MYL4: variants seen among roughly 807,000 people sequenced by gnomAD.
MYL4 encodes atrial myosin light chain 1.
A neutral mutation model predicts 21.6 loss-of-function variants in MYL4; 16 were observed. The observed-to-expected ratio is 0.74, with a 90% CI of 0.50 to 1.12. The LOEUF is 1.12. MYL4 is among the 50% of genes most tolerant of loss of function. The pLI, the probability that MYL4 is intolerant of heterozygous loss-of-function variation, is 0.00. For missense variants in MYL4, 249 were observed against 252.9 expected (o/e 0.98, Z 0.11); for synonymous variants, 82 against 95.7 (o/e 0.86, Z 0.83).
chr17:47,209,535 C>T lies in MYL4; in HGVS notation c.113C>T (p.Ala38Val), dbSNP rs780020430. The change falls in exon 1 of 7, where the codon GCC becomes GTC. Residue 38 changes from alanine to valine, a missense_variant. Coordinates refer to ENST00000393450, the MANE Select transcript of MYL4 (RefSeq NM_002476.2). ...GCTCCTGAGGCTCCCAAGGAACCTGCCTTTGACCCCAAGAGTGTAAAGGTA... is the reference window on the plus strand; with the variant it reads ...GCTCCTGAGGCTCCCAAGGAACCTGTCTTTGACCCCAAGAGTGTAAAGGTA... ...APAPEAPKEP[A>V]FDPKSVKIDF... The T allele has an allele frequency of 7.4e-6, 12 of 1,614,210 alleles. No individual in the cohort carries two copies. The highest frequency in any genetic ancestry group is 5.5e-5 in the South Asian group (5 of 91,078).
At chr17:47,195,885 A>G (rs979931313), upstream of MYL4, among the ~76,000 whole-genome samples, 1 of 152,184 alleles carries the variant, frequency 6.6e-6, no homozygotes, top group African/African-American at 2.4e-5. Context: ...GGTCTAGTCT[A>G]TAAGCTCCAT....
chr17:47,227,101 C>G (rs1261745518), downstream of MYL4, among the ~76,000 whole-genome samples: 1 of 152,226 alleles, frequency 6.6e-6, no homozygotes, highest in Non-Finnish European at 1.5e-5. Context: ...GGTGATCCAC[C>G]TGCCTTGGCC....
chr17:47,203,271 A>T (rs1434247158), intron 1 of MYL4, among the ~76,000 whole-genome samples: 1 of 152,120 alleles, frequency 6.6e-6, no homozygotes, highest in East Asian at 1.9e-4. Context: ...CCCTTTTTTT[A>T]AATTGTCAAT....
downstream of MYL4, among the ~76,000 whole-genome samples, chr17:47,223,845 G>A (rs1160181327): frequency 6.6e-6 from 1 of 152,192 alleles, no homozygotes; most frequent in Non-Finnish European, 1.5e-5. Flanking sequence ...AAAAGCCTGT[G>A]GATCTAGAGA....
At chr17:47,199,929 C>T (rs1342769343), upstream of MYL4, among the ~76,000 whole-genome samples, 1 of 150,610 alleles carries the variant, frequency 6.6e-6, no homozygotes, top group African/African-American at 2.4e-5. Context: ...TTTGTAGAGA[C>T]AGGGTTTCGC....
upstream of MYL4, among the ~76,000 whole-genome samples, chr17:47,196,439 C>T (rs905531728): frequency 6.6e-6 from 1 of 152,104 alleles, no homozygotes; most frequent in Non-Finnish European, 1.5e-5. Context: ...ATTGATTATT[C>T]TGTTTATGTC....
chr17:47,214,594 T>A lies in MYL4; in HGVS notation c.163+768T>A, dbSNP rs1361855449. Among the ~76,000 whole-genome samples the A allele has an allele frequency of 2.6e-5, 4 of 152,246 alleles. No homozygotes were observed. The East Asian group carries it at 7.7e-4, about 29-fold the overall frequency. ...AACTTAAATGAATATTTGCACATGG[T>A]AAAACAAAAAAGCAAAAAAGCACAC... is the stretch of plus-strand genomic sequence containing the variant. On this transcript the variant is annotated intron_variant, in intron 2 of 6. Coordinates refer to ENST00000393450, the MANE Select transcript of MYL4 (RefSeq NM_002476.2).
intron 1 of MYL4, among the ~76,000 whole-genome samples, chr17:47,212,748 G>A (rs2064785493): frequency 6.6e-6 from 1 of 152,094 alleles, no homozygotes; most frequent in Admixed American, 6.5e-5. Context: ...TTATCAAGCT[G>A]GCTGAAACTG....
At chr17:47,218,284 T>C (rs2064829900) in intron 2 of MYL4, among the ~76,000 whole-genome samples, 1 of 152,208 alleles carries the variant, frequency 6.6e-6, no homozygotes, top group East Asian at 1.9e-4. Context: ...GTGGAATGAT[T>C]TGTAAATAAT....
chr17:47,213,501 T>C (rs991341239), intron 1 of MYL4, among the ~76,000 whole-genome samples: 2 of 152,086 alleles, frequency 1.3e-5, no homozygotes, highest in African/African-American at 4.8e-5. Context: ...TTGTTATGTA[T>C]TTTTTGTATT....
downstream of MYL4, among the ~76,000 whole-genome samples, chr17:47,224,275 C>T (rs1030399929): frequency 7.9e-5 from 12 of 152,140 alleles, no homozygotes; most frequent in African/African-American, 2.9e-4. Context: ...AGCAAAGGCA[C>T]ATCTTACATG....
At chr17:47,192,850 C>T in the MYL4 span, among the ~76,000 whole-genome samples, 4 of 152,216 alleles carry the variant, frequency 2.6e-5, no homozygotes, top group Non-Finnish European at 4.4e-5. Context: ...TGCTGTCATC[C>T]GTTATCCAAT....
At chr17:47,190,393 A>G in the MYL4 span, among the ~76,000 whole-genome samples, 5 of 152,194 alleles carry the variant, frequency 3.3e-5, no homozygotes, top group Non-Finnish European at 7.3e-5. Flanking sequence ...TCTCCCCCCA[A>G]AAAGAGTGAA....
chr17:47,213,985 G>A (rs1286686702), intron 2 of MYL4, 159 bp downstream of exon 2: 1 of 822,086 alleles, frequency 1.2e-6, no homozygotes, highest in Non-Finnish European at 2.1e-6. Flanking sequence ...GTCAGGCATA[G>A]TCCTAGGCAC....
At chr17:47,189,504 A>C in the MYL4 span, 42 of 420,664 alleles carry the variant, frequency 1.0e-4, 1 homozygote, top group East Asian at 2.0e-3. Flanking sequence ...GCCTTCAGCC[A>C]CGCACACCAC....
chr17:47,209,411 C>T lies in MYL4; in HGVS notation c.-12C>T. ...TAGATCACTCCTCTGCCAAAGATCC[C>T]AACAAGACAACATGGCTCCCAAGAA... On this transcript the variant is annotated 5_prime_UTR_variant, in exon 1 of 7. Coordinates refer to ENST00000393450, the MANE Select transcript of MYL4 (RefSeq NM_002476.2). 6.2e-7 allele frequency: 1 copy of T among 1,614,190 alleles called. No homozygotes were observed. Among genetic ancestry groups the T allele is most frequent in the East Asian group, 2.2e-5 (1 of 44,880 alleles).
chr17:47,219,855 A>G (rs200649019), intron 2 of MYL4, 49 bp from the exon 3 acceptor site: 1 of 1,610,680 alleles, frequency 6.2e-7, no homozygotes, highest in African/African-American at 1.3e-5. Context: ...GCCACCAGCC[A>G]CCACCTTCAC....
At chr17:47,223,840 C>A (rs954861135), downstream of MYL4, among the ~76,000 whole-genome samples, 3 of 152,046 alleles carry the variant, frequency 2.0e-5, no homozygotes, top group Non-Finnish European at 4.4e-5. Context: ...AGGACAAAAG[C>A]CTGTGGATCT....
intron 3 of MYL4, among the ~76,000 whole-genome samples, chr17:47,221,255 T>C (rs2064853628): frequency 6.6e-6 from 1 of 152,176 alleles, no homozygotes; most frequent in Non-Finnish European, 1.5e-5. Flanking sequence ...CGTTGCTTTT[T>C]TCAATCCTGT....
Sources: gnomAD v4.1 joint callset for allele counts (sites outside exome capture counted in the v4.1 genomes callset) on GRCh38, gnomAD v4.1.1 for gene constraint, MANE v1.5 for transcripts, NCBI Gene and HGNC (gene_info 2026-07-23, HGNC 2026-07-21) for gene names.